Variants in CLDN10 observed in about 807,000 individuals in gnomAD.
CLDN10 encodes claudin 10.
Under a neutral mutation model 22.9 loss-of-function variants are expected in CLDN10, and 15 were observed. The ratio of observed to expected loss-of-function variants is 0.65; its 90% CI spans 0.44 to 1.01. The LOEUF (loss-of-function observed/expected upper bound fraction) is 1.01. Among genes scored for constraint, CLDN10 ranks in the 50% least tolerant of loss-of-function variants. The pLI, the probability that CLDN10 is intolerant of heterozygous loss-of-function variation, is 0.00. For missense variants in CLDN10, 247 were observed against 287.8 expected (o/e 0.86, Z 1.03); for synonymous variants, 114 against 111.4 (o/e 1.02, Z -0.15).
chr13:95,546,229 T>C (rs2043508079), intron 1 of CLDN10, among the ~76,000 whole-genome samples: 1 of 152,202 alleles, frequency 6.6e-6, no homozygotes, highest in Non-Finnish European at 1.5e-5. Flanking sequence ...ATATTGACTG[T>C]ACTCTGTACA....
At chr13:95,441,262 T>C (rs2042322212) in intron 1 of CLDN10, among the ~76,000 whole-genome samples, 1 of 152,194 alleles carries the variant, frequency 6.6e-6, no homozygotes, top group Non-Finnish European at 1.5e-5. Flanking sequence ...TGTGGTCTTT[T>C]CTTTCCTTTT....
intron 1 of CLDN10, among the ~76,000 whole-genome samples, chr13:95,457,226 T>C (rs2042490753): frequency 6.6e-6 from 1 of 152,150 alleles, no homozygotes. Flanking sequence ...CATCCACATC[T>C]CTGGAGATTA....
chr13:95,575,152 G>A (rs970120976), intron 3 of CLDN10, among the ~76,000 whole-genome samples: 1 of 152,142 alleles, frequency 6.6e-6, no homozygotes, highest in Non-Finnish European at 1.5e-5. Context: ...TTTACACTAA[G>A]AGTAATATTA....
intron 1 of CLDN10, among the ~76,000 whole-genome samples, chr13:95,536,775 T>TAAA (rs1408119162): frequency 7.7e-6 from 1 of 130,000 alleles, no homozygotes; most frequent in African/African-American, 2.9e-5. Flanking sequence ...TAAAACTGTT[T>TAAA]ATTTTTTAAA....
chr13:95,502,721 A>T (rs890574705), intron 1 of CLDN10, among the ~76,000 whole-genome samples: 1 of 152,084 alleles, frequency 6.6e-6, no homozygotes, highest in Non-Finnish European at 1.5e-5. Context: ...GGGTCTCACC[A>T]TGTTGGCCAG....
chr13:95,484,304 A>T (rs889378619), intron 1 of CLDN10, among the ~76,000 whole-genome samples: 2 of 152,142 alleles, frequency 1.3e-5, no homozygotes, highest in African/African-American at 4.8e-5. Context: ...GCAGCATATC[A>T]CAGTATCCAC....
rs1431140671 is a variant in CLDN10, at chr13:95,462,071, G to T, written c.214+28024G>T. 2.6e-5 allele frequency among the ~76,000 whole-genome samples: 4 copies of T among 152,208 alleles called. No individual in the cohort carries two copies. The East Asian group carries it at 7.7e-4, about 29-fold the overall frequency. ...TGACAGTGCCATTGCACTCCAGCCTGGGTGGCAGAGTGAGACCCTGTCTCA... is the reference window on the plus strand; with the variant it reads ...TGACAGTGCCATTGCACTCCAGCCTTGGTGGCAGAGTGAGACCCTGTCTCA... On this transcript the variant is annotated intron_variant, in intron 1 of 4. Coordinates refer to the CLDN10 transcript ENST00000376873.
chr13:95,555,864 A>C (rs1250033934), intron 1 of CLDN10, among the ~76,000 whole-genome samples: 2 of 152,014 alleles, frequency 1.3e-5, no homozygotes, highest in African/African-American at 4.8e-5. Flanking sequence ...TGGTCCTGAC[A>C]TTGCCTTTGG....
chr13:95,441,174 C>G (rs1156561200), intron 1 of CLDN10, among the ~76,000 whole-genome samples: 2 of 152,206 alleles, frequency 1.3e-5, no homozygotes, highest in Non-Finnish European at 2.9e-5. Context: ...AATCTCTTCT[C>G]ATGTCACCAA....
intron 1 of CLDN10, among the ~76,000 whole-genome samples, chr13:95,446,416 G>C (rs16951118): frequency 0.012 from 1,883 of 152,296 alleles, 44 homozygotes; most frequent in African/African-American, 0.042. Flanking sequence ...CTTGGAATAC[G>C]GCAATAAAAA....
chr13:95,485,118 G>T (rs1301025165), intron 1 of CLDN10, among the ~76,000 whole-genome samples: 1 of 142,126 alleles, frequency 7.0e-6, no homozygotes, highest in South Asian at 2.3e-4. Flanking sequence ...GAGCCACGTG[G>T]GGGTTGCAGC....
chr13:95,516,933 T>C (rs1373627623), intron 1 of CLDN10, among the ~76,000 whole-genome samples: 1 of 152,028 alleles, frequency 6.6e-6, no homozygotes, highest in Admixed American at 6.6e-5. Context: ...ATACAGACCA[T>C]TGTGATGAAG....
upstream of CLDN10, chr13:95,552,547 C>T: frequency 4.4e-6 from 1 of 228,570 alleles, no homozygotes; most frequent in Non-Finnish European, 7.3e-6. Flanking sequence ...ACCCGGGGGG[C>T]GACCGCGAGC....
At chr13:95,501,175 C>T (rs1322826433) in intron 1 of CLDN10, among the ~76,000 whole-genome samples, 1 of 151,864 alleles carries the variant, frequency 6.6e-6, no homozygotes, top group Non-Finnish European at 1.5e-5. Context: ...CACCACGCCT[C>T]GCTAATTTTT....
chr13:95,552,948 C>A lies in CLDN10; in HGVS notation c.195C>A (p.Asp65Glu). The A allele has an allele frequency of 1.2e-6, 2 of 1,614,056 alleles. No individual in the cohort carries two copies. The highest frequency in any genetic ancestry group is 2.2e-5 in the South Asian group (2 of 91,086). The change falls in exon 1 of 5, where the codon GAC becomes GAA. Residue 65 changes from aspartate to glutamate, a missense_variant. Asp to Glu is a conservative substitution (Grantham distance 45, BLOSUM62 2). Coordinates refer to ENST00000299339, the MANE Select transcript of CLDN10 (RefSeq NM_006984.5). ...CCACGGGCGTCTCCAACTGCAAGGA[C>A]TTCCCCTCCATGCTGGCGCTGGACG... is the stretch of plus-strand genomic sequence containing the variant. Reference protein sequence around the residue: ...TDSTGVSNCKDFPSMLALDGY... With the variant: ...TDSTGVSNCKEFPSMLALDGY...
chr13:95,507,970 C>T (rs1388104629), intron 1 of CLDN10, among the ~76,000 whole-genome samples: 1 of 151,954 alleles, frequency 6.6e-6, no homozygotes, highest in Non-Finnish European at 1.5e-5. Flanking sequence ...TGCCGGTGGT[C>T]CCAGCTACTA....
intron 1 of CLDN10, among the ~76,000 whole-genome samples, chr13:95,489,441 G>A (rs562181438): frequency 2.5e-4 from 38 of 151,890 alleles, no homozygotes; most frequent in Non-Finnish European, 3.8e-4. Flanking sequence ...AGGTGGTATC[G>A]CATTGTGGTT....
intron 1 of CLDN10, among the ~76,000 whole-genome samples, chr13:95,460,533 C>G (rs1033326628): frequency 6.6e-6 from 1 of 152,128 alleles, no homozygotes; most frequent in African/African-American, 2.4e-5. Context: ...CTTATAAAAC[C>G]ATTAGATCTC....
intron 1 of CLDN10, among the ~76,000 whole-genome samples, chr13:95,547,144 T>C (rs1221367010): frequency 4.0e-5 from 6 of 151,542 alleles, no homozygotes; most frequent in Non-Finnish European, 7.4e-5. Flanking sequence ...CCTCAGCCTC[T>C]GGAGGGGCTG....
Sources: gnomAD v4.1 joint callset for allele counts (sites outside exome capture counted in the v4.1 genomes callset) on GRCh38, gnomAD v4.1.1 for gene constraint, MANE v1.5 for transcripts, NCBI Gene and HGNC (gene_info 2026-07-23, HGNC 2026-07-21) for gene names.